DNAJC5: variants seen among roughly 807,000 people sequenced by gnomAD.
DNAJC5 encodes DnaJ heat shock protein family (Hsp40) member C5.
DNAJC5 carries 1 observed loss-of-function variant against 23.2 expected under a neutral mutation model. That is an observed-to-expected ratio of 0.04 (90% CI 0.02 to 0.20). DNAJC5 has a LOEUF of 0.20. DNAJC5 is among the 10% of genes least tolerant of loss of function. DNAJC5 has a pLI of 1.00. For missense variants in DNAJC5, 180 were observed against 267.0 expected (o/e 0.67, Z 2.27); for synonymous variants, 136 against 120.0 (o/e 1.13, Z -0.87).
rs372118970 is a variant in DNAJC5, at chr20:63,895,969, T to A, written c.-12+646T>A. ...AACTTGTTGGTGTTAAGTGTCTGGA[T>A]TAAAGACTCTCTTTTTCGTGTGCCG... On this transcript the variant is annotated intron_variant, in intron 1 of 4. Coordinates refer to ENST00000360864, the MANE Select transcript of DNAJC5 (RefSeq NM_025219.3). Among the ~76,000 whole-genome samples, 40 of 152,338 alleles carry A rather than the reference T, an allele frequency of 2.6e-4. 2 individuals carry two copies. The South Asian group carries it at 8.3e-3, about 32-fold the overall frequency.
chr20:63,901,752 A>G (rs541321861), intron 1 of DNAJC5, among the ~76,000 whole-genome samples: 1 of 152,332 alleles, frequency 6.6e-6, no homozygotes, highest in African/African-American at 2.4e-5. Flanking sequence ...GAGCAGTCCC[A>G]TCGGATTTTT....
intron 1 of DNAJC5, 85 bp downstream of exon 1, chr20:63,895,408 G>A (rs2053367538): frequency 1.4e-5 from 2 of 146,506 alleles, no homozygotes; most frequent in South Asian, 4.0e-4. Context: ...GGGGGCGGGG[G>A]CGGCACTCCA....
At chr20:63,912,597 A>G (rs2053489174) in intron 1 of DNAJC5, among the ~76,000 whole-genome samples, 2 of 151,948 alleles carry the variant, frequency 1.3e-5, no homozygotes, top group African/African-American at 2.4e-5. Context: ...TTTGGCAGTC[A>G]GGTTTTTGTT....
At position 63,931,567 on chromosome 20, in the gene DNAJC5, A is replaced by G. The variant is rs745755215; in HGVS notation, c.596A>G (p.Ter199=). ...AGCTACCACACTGACGGGTTCAACTAAATCCAGGAGGAGCTGTGGTCAGAG... is the reference window on the plus strand; with the variant it reads ...AGCTACCACACTGACGGGTTCAACTGAATCCAGGAGGAGCTGTGGTCAGAG... ...HPSYHTDGFN[*] The change falls in exon 5 of 5, where the codon TAA becomes TGA. Residue 199 remains the stop codon, a stop_retained_variant. Coordinates refer to ENST00000360864, the MANE Select transcript of DNAJC5 (RefSeq NM_025219.3). The surrounding 1 kb of genome is among the most constrained non-coding windows in gnomAD (Gnocchi z 9.6). 1 of 1,563,352 alleles carries G rather than the reference A, an allele frequency of 6.4e-7. No individual in the cohort carries two copies. The highest frequency in any genetic ancestry group is 8.6e-7 in the Non-Finnish European group (1 of 1,158,470).
At chr20:63,924,375 A>G (rs1388838285) in intron 1 of DNAJC5, among the ~76,000 whole-genome samples, 1 of 152,144 alleles carries the variant, frequency 6.6e-6, no homozygotes, top group Non-Finnish European at 1.5e-5. Context: ...TACAGATTTC[A>G]TAGGTCTTGT....
rs570492749 is a variant in DNAJC5, at chr20:63,920,518, G to A, written c.-11-7817G>A. Among the ~76,000 whole-genome samples, 126 of 152,368 alleles carry A rather than the reference G, an allele frequency of 8.3e-4. 1 individual carries two copies. The highest frequency in any genetic ancestry group is 2.6e-3 in the African/African-American group (110 of 41,592). ...GCCCTGGCGTAGGGAGGGAGGACACGGGTCCCCGCCATTTCAGAAGCTCAG... is the reference window on the plus strand; with the variant it reads ...GCCCTGGCGTAGGGAGGGAGGACACAGGTCCCCGCCATTTCAGAAGCTCAG... On this transcript the variant is annotated intron_variant, in intron 1 of 4. Transcript: ENST00000360864. This position sits in a 1 kb window ranked among gnomAD's most constrained non-coding sequence, Gnocchi z 4.6.
chr20:63,904,167 A>G (rs2053432515), intron 1 of DNAJC5, among the ~76,000 whole-genome samples: 1 of 152,224 alleles, frequency 6.6e-6, no homozygotes, highest in Non-Finnish European at 1.5e-5. Flanking sequence ...TCCCCAGGAC[A>G]GCCATGCAGG....
intron 3 of DNAJC5, among the ~76,000 whole-genome samples, 158 bp from the exon 4 acceptor site, chr20:63,930,693 C>T: frequency 6.6e-6 from 1 of 152,226 alleles, no homozygotes; most frequent in Non-Finnish European, 1.5e-5. Flanking sequence ...TGTCTCTCCT[C>T]CTCCCTTCTT....
chr20:63,897,770 C>T (rs1568972704), intron 1 of DNAJC5, among the ~76,000 whole-genome samples: 1 of 152,152 alleles, frequency 6.6e-6, no homozygotes, highest in South Asian at 2.1e-4. Context: ...GGCTGATCCC[C>T]TTAGCATGAG....
Position 63,931,556 on chromosome 20 carries a change from C to T in DNAJC5, c.585C>T (p.Asp195=), listed in dbSNP as rs777536850. The T allele has an allele frequency of 1.5e-5, 23 of 1,572,926 alleles. No homozygotes were observed. The highest frequency in any genetic ancestry group is 2.3e-5 in the East Asian group (1 of 42,564). The part of the protein sequence containing the change: ...TADSHPSYHT[D]GFN The stretch of plus-strand genomic sequence containing the variant: ...ACTCCCACCCCAGCTACCACACTGA[C>T]GGGTTCAACTAAATCCAGGAGGAGC... Residue 195 remains aspartate, a synonymous_variant, in exon 5 of 5, where the codon GAC becomes GAT. Transcript: ENST00000360864. This position sits in a 1 kb window ranked among gnomAD's most constrained non-coding sequence, Gnocchi z 9.6.
intron 1 of DNAJC5, among the ~76,000 whole-genome samples, chr20:63,923,832 A>G (rs2053590478): frequency 6.6e-6 from 1 of 152,188 alleles, no homozygotes; most frequent in South Asian, 2.1e-4. Context: ...CCGTTCCTAC[A>G]CTCTCACTGC....
At chr20:63,930,449 G>A (rs2053659262) in intron 3 of DNAJC5, among the ~76,000 whole-genome samples, 1 of 152,168 alleles carries the variant, frequency 6.6e-6, no homozygotes, top group East Asian at 1.9e-4. Context: ...CCGGGTTCAC[G>A]CCATTCTCCT....
chr20:63,930,638 C>T (rs1004379423), intron 3 of DNAJC5, among the ~76,000 whole-genome samples: 3 of 152,226 alleles, frequency 2.0e-5, no homozygotes, highest in Non-Finnish European at 2.9e-5. Context: ...TGGGCCACCA[C>T]GCCCGTCTTG....
At chr20:63,904,364 G>C (rs773290178) in intron 1 of DNAJC5, among the ~76,000 whole-genome samples, 1 of 152,166 alleles carries the variant, frequency 6.6e-6, no homozygotes, top group Non-Finnish European at 1.5e-5. Flanking sequence ...CATCCCGCCA[G>C]GTTGGGTAAC....
chr20:63,908,799 CAAAAA>C (rs761875234), intron 1 of DNAJC5, among the ~76,000 whole-genome samples: 4 of 151,978 alleles, frequency 2.6e-5, no homozygotes, highest in African/African-American at 7.2e-5. Flanking sequence ...GACCCCATCT[CAAAAA>C]GAAAAGAAAA....
rs1421397257 is a variant in DNAJC5, at chr20:63,920,356, A to AAGTGTGGTG, written c.-11-7978_-11-7970dup. Among the ~76,000 whole-genome samples the AAGTGTGGTG allele has an allele frequency of 8.5e-5, 13 of 152,242 alleles. No homozygotes were observed. The highest frequency in any genetic ancestry group is 6.5e-4 in the Admixed American group (10 of 15,298). On this transcript the variant is annotated intron_variant, in intron 1 of 4. Transcript: ENST00000360864. The surrounding 1 kb of genome is among the most constrained non-coding windows in gnomAD (Gnocchi z 4.6). ...ACAGGTAGTCCTGCGTCGGACCGGGAAGTGTGGTGGGTGTGGTGGGGGAAG... is the reference window on the plus strand; with the variant it reads ...ACAGGTAGTCCTGCGTCGGACCGGGAAGTGTGGTGAGTGTGGTGGGTGTGGTGGGGGAAG...
intron 1 of DNAJC5, among the ~76,000 whole-genome samples, chr20:63,901,876 C>T (rs775767882): frequency 2.4e-4 from 37 of 152,164 alleles, no homozygotes; most frequent in Non-Finnish European, 4.1e-4. Flanking sequence ...TTGCCAAGTT[C>T]GTAGCCCTCA....
At chr20:63,919,160 G>C (rs1297093424) in intron 1 of DNAJC5, among the ~76,000 whole-genome samples, 1 of 152,210 alleles carries the variant, frequency 6.6e-6, no homozygotes, top group Non-Finnish European at 1.5e-5. Flanking sequence ...TAAGTCTTCT[G>C]AGGAGCATGG....
intron 1 of DNAJC5, among the ~76,000 whole-genome samples, chr20:63,900,434 C>T (rs375834416): frequency 9.9e-4 from 151 of 151,838 alleles, no homozygotes; most frequent in African/African-American, 3.3e-3. Context: ...AACAATTAGC[C>T]GGGTATGGTG....
Sources: allele counts gnomAD v4.1 joint callset (sites outside exome capture counted in the v4.1 genomes callset), GRCh38; gene constraint gnomAD v4.1.1; non-coding constraint Gnocchi (gnomAD v3.1); transcripts MANE v1.5; gene names NCBI Gene and HGNC (gene_info 2026-07-23, HGNC 2026-07-21).